Variants in STAC observed in about 807,000 individuals in gnomAD.
The protein encoded by STAC is SH3 and cysteine rich domain.
In STAC, 43 loss-of-function variants were observed where a neutral mutation model predicts 48.8. That is an observed-to-expected ratio of 0.88 (90% confidence interval 0.69 to 1.14). The LOEUF (loss-of-function observed/expected upper bound fraction) is 1.14. Among genes scored for constraint, STAC ranks in the 50% most tolerant of loss-of-function variants. The probability of loss-of-function intolerance (pLI) is 0.00; values close to 1 mark genes in which losing one functional copy is unlikely to be tolerated. For missense variants in STAC, 497 were observed against 504.0 expected (o/e 0.99, Z 0.13); for synonymous variants, 193 against 179.5 (o/e 1.07, Z -0.60).
At chr3:36,524,042 T>A (rs1575260847) in intron 8 of STAC, among the ~76,000 whole-genome samples, 1 of 151,912 alleles carries the variant, frequency 6.6e-6, no homozygotes, top group African/African-American at 2.4e-5. Flanking sequence ...GGCTGTGGGG[T>A]AGGCTAGGTT....
At chr3:36,438,668 A>T (rs1050481619) in intron 1 of STAC, among the ~76,000 whole-genome samples, 1 of 152,300 alleles carries the variant, frequency 6.6e-6, no homozygotes, top group East Asian at 1.9e-4. Flanking sequence ...ACAATTTCCA[A>T]GCCACATCCC....
At chr3:36,425,883 T>A (rs115420579) in intron 1 of STAC, among the ~76,000 whole-genome samples, 2 of 151,470 alleles carry the variant, frequency 1.3e-5, no homozygotes, top group South Asian at 4.2e-4. Flanking sequence ...AAAAACGAAA[T>A]AGCAAGGAAT....
At chr3:36,414,896 C>G (rs977723892) in intron 1 of STAC, among the ~76,000 whole-genome samples, 3 of 152,172 alleles carry the variant, frequency 2.0e-5, no homozygotes, top group African/African-American at 4.8e-5. Flanking sequence ...CACTCAGGAC[C>G]CTCAGCTGCA....
At chr3:36,446,452 C>A (rs1348819250) in intron 2 of STAC, among the ~76,000 whole-genome samples, 1 of 152,342 alleles carries the variant, frequency 6.6e-6, no homozygotes, top group East Asian at 1.9e-4. Context: ...CTCCACCAAG[C>A]AGATCCACTC....
intron 2 of STAC, among the ~76,000 whole-genome samples, chr3:36,471,678 G>T (rs746115741): frequency 2.0e-5 from 3 of 152,162 alleles, no homozygotes; most frequent in Non-Finnish European, 2.9e-5. Flanking sequence ...AAATTCAGTG[G>T]GGCTGTCAAA....
intron 10 of STAC, among the ~76,000 whole-genome samples, chr3:36,541,864 T>A (rs567114110): frequency 6.6e-6 from 1 of 152,250 alleles, no homozygotes; most frequent in Admixed American, 6.5e-5. Flanking sequence ...TACCTTGGTG[T>A]TGGGACATCC....
chr3:36,503,313 GTTAGGCTGA>G (rs1698321629), intron 6 of STAC, among the ~76,000 whole-genome samples: 2 of 152,114 alleles, frequency 1.3e-5, no homozygotes. Context: ...ATGGATGTAG[GTTAGGCTGA>G]CCAAACTAGA....
intron 2 of STAC, among the ~76,000 whole-genome samples, chr3:36,477,482 A>T (rs1397337958): frequency 2.7e-5 from 4 of 150,724 alleles, no homozygotes; most frequent in African/African-American, 9.7e-5. Context: ...TCATTTTTTA[A>T]AAAAAAAAAG....
At chr3:36,405,040 G>A (rs73057929) in intron 1 of STAC, among the ~76,000 whole-genome samples, 3,535 of 152,098 alleles carry the variant, frequency 0.023, 60 homozygotes, top group East Asian at 0.026. Context: ...AATATCATAC[G>A]ATTCTTGTTT....
At chr3:36,537,866 G>GA (rs1228186960) in intron 10 of STAC, among the ~76,000 whole-genome samples, 8 of 151,134 alleles carry the variant, frequency 5.3e-5, no homozygotes, top group Admixed American at 5.3e-4. Flanking sequence ...AGATCCTCCT[G>GA]AAAAAAAATT....
In STAC at chr3:36,433,286, T is replaced by C. The variant is rs565347317; in HGVS notation, c.112-10078T>C. Among the ~76,000 whole-genome samples the C allele has an allele frequency of 7.2e-4, 109 of 152,220 alleles. No individual in the cohort carries two copies. The South Asian group carries it at 0.018, about 25-fold the overall frequency. On this transcript the variant is annotated intron_variant, in intron 1 of 10. Coordinates refer to ENST00000273183, the MANE Select transcript of STAC (RefSeq NM_003149.3). Reference sequence around the variant, plus strand: ...AACTGGGGCCTGCTCTTAGTTTATCTAGGTGCATGGGGTGCAGGAGGGGAT... The same window carrying C: ...AACTGGGGCCTGCTCTTAGTTTATCCAGGTGCATGGGGTGCAGGAGGGGAT...
chr3:36,469,543 T>C (rs559997582), intron 2 of STAC, among the ~76,000 whole-genome samples: 1 of 152,348 alleles, frequency 6.6e-6, no homozygotes, highest in African/African-American at 2.4e-5. Flanking sequence ...CATAAACTGA[T>C]GACAATGTGC....
rs377372947 is a variant in STAC at position 36,493,228 on chromosome 3, C to T, written c.765C>T (p.Ser255=). 25 of 1,612,582 alleles carry T rather than the reference C, an allele frequency of 1.6e-5. No homozygotes were observed. Among genetic ancestry groups the T allele is most frequent in the African/African-American group, 1.2e-4 (9 of 74,874 alleles). The part of the protein sequence containing the change: ...GGYDLRKRSN[S]VFTYPENGTD... ...ATGACCTAAGGAAACGCAGCAACAG[C>T]GGTGAGTGAGGGAGTTGGCACAGCA... Residue 255 remains serine (S), a splice_region_variant and synonymous_variant, in exon 6 of 11, where the codon AGC becomes AGT. Coordinates refer to ENST00000273183, the MANE Select transcript of STAC (RefSeq NM_003149.3).
chr3:36,387,296 C>T (rs892004373), intron 1 of STAC, among the ~76,000 whole-genome samples: 3 of 151,848 alleles, frequency 2.0e-5, no homozygotes, highest in African/African-American at 7.3e-5. Context: ...CAAAACCAAC[C>T]TAGGTTTTTC....
chr3:36,382,191 C>T (rs2125608409), intron 1 of STAC, among the ~76,000 whole-genome samples: 1 of 152,242 alleles, frequency 6.6e-6, no homozygotes, highest in East Asian at 1.9e-4. Context: ...AACATCAGTC[C>T]CCAGAGTGAT....
intron 2 of STAC, among the ~76,000 whole-genome samples, chr3:36,465,741 C>T (rs1025022620): frequency 2.6e-5 from 4 of 152,080 alleles, no homozygotes; most frequent in Non-Finnish European, 4.4e-5. Flanking sequence ...ACTTGGAGAC[C>T]GATGTTTGAG....
intron 1 of STAC, among the ~76,000 whole-genome samples, chr3:36,383,783 A>G (rs1289636243): frequency 1.3e-5 from 2 of 152,214 alleles, no homozygotes; most frequent in Non-Finnish European, 2.9e-5. Flanking sequence ...CAAAGGGTCT[A>G]TAGCTTCAAA....
At chr3:36,544,753 A>G (rs1396590904) in intron 10 of STAC, among the ~76,000 whole-genome samples, 2 of 152,202 alleles carry the variant, frequency 1.3e-5, no homozygotes, top group African/African-American at 4.8e-5. Flanking sequence ...TCCCTTTTGA[A>G]GTCATGTCAA....
intron 1 of STAC, among the ~76,000 whole-genome samples, chr3:36,427,565 C>T (rs1258189883): frequency 2.0e-5 from 3 of 152,142 alleles, no homozygotes; most frequent in South Asian, 2.1e-4. Flanking sequence ...GTAGTTAAGT[C>T]TACCTGGGCT....
Sources: allele counts gnomAD v4.1 joint callset (sites outside exome capture counted in the v4.1 genomes callset), GRCh38; gene constraint gnomAD v4.1.1; transcripts MANE v1.5; gene names NCBI Gene and HGNC (gene_info 2026-07-23, HGNC 2026-07-21).